The following GSS variants were observed in gnomAD, a reference collection of about 807,000 sequenced individuals.
GSS encodes glutathione synthetase.
In GSS, 34 loss-of-function variants were observed where a neutral mutation model predicts 60.4. The ratio of observed to expected loss-of-function variants is 0.56; its 90% confidence interval spans 0.43 to 0.75. The LOEUF (loss-of-function observed/expected upper bound fraction) is 0.75, where lower values mean the gene tolerates loss of function less well. GSS is among the 30% of genes least tolerant of loss of function. The pLI is 0.00. For synonymous variants in GSS, 224 were observed against 239.0 expected (o/e 0.94, Z 0.58); for missense variants, 499 against 595.1 (o/e 0.84, Z 1.68).
intron 6 of GSS, among the ~76,000 whole-genome samples, chr20:34,938,846 G>A (rs749507905): frequency 6.6e-6 from 1 of 152,234 alleles, no homozygotes; most frequent in Non-Finnish European, 1.5e-5. Context: ...CCCCTGAGTC[G>A]TAGGTAGTCC....
intron 2 of GSS, among the ~76,000 whole-genome samples, chr20:34,948,207 T>C (rs2081538016): frequency 6.6e-6 from 1 of 152,182 alleles, no homozygotes; most frequent in Non-Finnish European, 1.5e-5. Flanking sequence ...AGAATGGGAA[T>C]GACTGCAGAT....
At chr20:34,929,946 T>C (rs2081388167) in intron 11 of GSS, among the ~76,000 whole-genome samples, 3 of 152,140 alleles carry the variant, frequency 2.0e-5, no homozygotes, top group Admixed American at 2.0e-4. Flanking sequence ...TCTCTCCTAT[T>C]CCTGAGTCTC....
intron 12 of GSS, 163 bp downstream of exon 12, chr20:34,929,238 C>A: frequency 4.0e-6 from 3 of 757,230 alleles, no homozygotes; most frequent in Non-Finnish European, 6.9e-6. Context: ...GGTCCTTGGC[C>A]TCATTTAATA....
intron 3 of GSS, among the ~76,000 whole-genome samples, chr20:34,943,399 T>C (rs572567937): frequency 6.6e-6 from 1 of 152,366 alleles, no homozygotes; most frequent in Non-Finnish European, 1.5e-5. Context: ...TGAATAGCTC[T>C]GATGGTTGGC....
At chr20:34,949,261 C>T (rs1216892966) in intron 2 of GSS, among the ~76,000 whole-genome samples, 1 of 152,156 alleles carries the variant, frequency 6.6e-6, no homozygotes, top group African/African-American at 2.4e-5. Context: ...GAGCCAAATA[C>T]TCAGCCTAGA....
intron 8 of GSS, among the ~76,000 whole-genome samples, chr20:34,935,988 T>G (rs2081438040): frequency 6.6e-6 from 1 of 152,208 alleles, no homozygotes; most frequent in African/African-American, 2.4e-5. Context: ...CTGCCATGTG[T>G]AGTAAAACAC....
At chr20:34,945,423 C>T (rs991945862) in intron 3 of GSS, among the ~76,000 whole-genome samples, 20 of 149,420 alleles carry the variant, frequency 1.3e-4, no homozygotes, top group African/African-American at 3.4e-4. Context: ...CAGAGAAGGG[C>T]GGATGGGCTG....
chr20:34,933,436 G>A (rs2081417593), intron 9 of GSS, among the ~76,000 whole-genome samples: 1 of 152,162 alleles, frequency 6.6e-6, no homozygotes, highest in Non-Finnish European at 1.5e-5. Context: ...CAGGATGAAT[G>A]GTTTATTACC....
At chr20:34,953,141 A>T (rs539219313) in intron 1 of GSS, among the ~76,000 whole-genome samples, 3 of 152,376 alleles carry the variant, frequency 2.0e-5, no homozygotes, top group South Asian at 4.1e-4. Flanking sequence ...AGCAGGCCTC[A>T]GGAGTTTAAG....
chr20:34,929,348 G>A, intron 12 of GSS, 53 bp downstream of exon 12: 1 of 1,462,764 alleles, frequency 6.8e-7, no homozygotes. Context: ...TGGCTCACTT[G>A]GCTGGCACTC....
Position 34,929,472 on chromosome 20 carries a change from CA to C in GSS, c.1229del (p.Leu410ArgfsTer31). On this transcript the variant is annotated frameshift_variant, in exon 12 of 13. Coordinates refer to ENST00000651619, the MANE Select transcript of GSS (RefSeq NM_000178.4). LOFTEE classifies it high-confidence loss of function. ...CTCGGGCAGGGCTGCCAGGCCGTAG[CA>C]GGCAATTCTCAAAAGGCTCAGGTTC... ...KIEPEPFENCLLRPGSPARVV... is the reference protein window; with the variant it reads ...KIEPEPFENCXLRPGSPARVV... 6.2e-7 allele frequency: 1 copy of C among 1,614,194 alleles called. No homozygotes were observed. The highest frequency in any genetic ancestry group is 8.5e-7 in the Non-Finnish European group (1 of 1,180,006).
At chr20:34,953,568 C>T (rs2081585276) in intron 1 of GSS, among the ~76,000 whole-genome samples, 1 of 150,800 alleles carries the variant, frequency 6.6e-6, no homozygotes, top group African/African-American at 2.4e-5. Flanking sequence ...TTCTTTCCTT[C>T]CTTCCTTCCT....
upstream of GSS, chr20:34,955,842 A>T (rs2081625227): frequency 6.6e-6 from 1 of 152,320 alleles, no homozygotes; most frequent in South Asian, 2.1e-4. Flanking sequence ...GGCTAGGCTT[A>T]AAGAGCAGGC....
At chr20:34,938,736 T>A (rs986427024) in intron 6 of GSS, among the ~76,000 whole-genome samples, 1 of 152,124 alleles carries the variant, frequency 6.6e-6, no homozygotes, top group African/African-American at 2.4e-5. Context: ...TCAGAAAACA[T>A]ATTTGACCTC....
At chr20:34,950,760 C>A (rs34331049) in intron 2 of GSS, among the ~76,000 whole-genome samples, 6 of 152,190 alleles carry the variant, frequency 3.9e-5, no homozygotes, top group East Asian at 3.9e-4. Context: ...CAGAGCGAGG[C>A]CCCAAGGAAT....
In GSS at chr20:34,928,901, G is replaced by T; in HGVS notation, c.1352C>A (p.Thr451Asn). The T allele has an allele frequency of 6.2e-7, 1 of 1,613,898 alleles. No individual in the cohort carries two copies. Among genetic ancestry groups the T allele is most frequent in the Non-Finnish European group, 8.5e-7 (1 of 1,180,002 alleles). ...ACCATCTGCATGCTCGATGGCTTTGGTTCGAAGTAGATGCCCCACGTGCTT... is the reference window on the plus strand; with the variant it reads ...ACCATCTGCATGCTCGATGGCTTTGTTTCGAAGTAGATGCCCCACGTGCTT... ...MNKHVGHLLR[T>N]KAIEHADGGV... The change falls in exon 13 of 13, where the codon ACC becomes AAC. Residue 451 changes from threonine (T) to asparagine (N), a missense_variant. Physicochemically the swap from Thr to Asn is moderately conservative, Grantham distance 65. Coordinates refer to ENST00000651619, the MANE Select transcript of GSS (RefSeq NM_000178.4).
chr20:34,928,923 G>A lies in GSS; in HGVS notation c.1330C>T (p.His444Tyr), dbSNP rs772499991. ...TTGGTTCGAAGTAGATGCCCCACGT[G>A]CTTGTTCATCACGAGTGTCTTTTCC... is the stretch of plus-strand genomic sequence containing the variant. ...RQEKTLVMNK[H>Y]VGHLLRTKAI... Residue 444 changes from histidine to tyrosine, a missense_variant, in exon 13 of 13, where the codon CAC becomes TAC. Coordinates refer to ENST00000651619, the MANE Select transcript of GSS (RefSeq NM_000178.4). 6.2e-7 allele frequency: 1 copy of A among 1,613,628 alleles called. No homozygotes were observed. Among genetic ancestry groups the A allele is most frequent in the African/African-American group, 1.3e-5 (1 of 75,004 alleles).
chr20:34,934,923 C>T (rs2081429332), intron 9 of GSS, among the ~76,000 whole-genome samples: 1 of 152,210 alleles, frequency 6.6e-6, no homozygotes, highest in South Asian at 2.1e-4. Flanking sequence ...GAGAGCAGAG[C>T]TTCTTAGCCT....
At chr20:34,951,504 G>C in intron 2 of GSS, 1 of 563,084 alleles carries the variant, frequency 1.8e-6, no homozygotes, top group Non-Finnish European at 3.2e-6. Context: ...AGCTGAGAGC[G>C]GTTAAGTAAT....
Sources: allele counts gnomAD v4.1 joint callset (sites outside exome capture counted in the v4.1 genomes callset), GRCh38; gene constraint gnomAD v4.1.1; transcripts MANE v1.5; gene names NCBI Gene and HGNC (gene_info 2026-07-23, HGNC 2026-07-21).